The following USP3 variants were observed in gnomAD, a reference collection of about 807,000 sequenced individuals.
USP3 encodes the protein ubiquitin carboxyl-terminal hydrolase 3.
USP3 carries 20 observed loss-of-function variants against 72.3 expected under a neutral mutation model. The observed-to-expected ratio is 0.28, with a 90% CI of 0.19 to 0.40. The LOEUF (loss-of-function observed/expected upper bound fraction) is 0.40. Among genes scored for constraint, USP3 ranks in the 10% least tolerant of loss-of-function variants. The pLI is 1.00. For missense variants in USP3, 479 were observed against 633.9 expected (o/e 0.76, Z 2.62); for synonymous variants, 222 against 225.3 (o/e 0.99, Z 0.13).
intron 3 of USP3, among the ~76,000 whole-genome samples, chr15:63,539,606 A>G (rs1368412771): frequency 6.6e-6 from 1 of 152,204 alleles, no homozygotes; most frequent in Non-Finnish European, 1.5e-5. Context: ...CTGCTAAAGT[A>G]TATGTCGTTT....
chr15:63,584,092 G>GTTTTTTTTTTTTTTTTTTTT, intron 11 of USP3, among the ~76,000 whole-genome samples: 1 of 85,600 alleles, frequency 1.2e-5, no homozygotes, highest in Non-Finnish European at 2.2e-5. Flanking sequence ...CAACGGTTTT[G>GTTTTTTTTTTTTTTTTTTTT]TTTTTTTTTT....
intron 8 of USP3, among the ~76,000 whole-genome samples, chr15:63,563,859 G>A (rs949905411): frequency 6.6e-6 from 1 of 152,108 alleles, no homozygotes; most frequent in Non-Finnish European, 1.5e-5. Flanking sequence ...TATTTAAAAG[G>A]TAATTAACTT....
rs528833471 is a variant in USP3, at chr15:63,588,767, C to T, written c.1281C>T (p.Tyr427=). The change falls in exon 13 of 15, where the codon TAC becomes TAT. Residue 427 remains tyrosine (Y), a synonymous_variant. Coordinates refer to ENST00000380324, the MANE Select transcript of USP3 (RefSeq NM_006537.4). The surrounding 1 kb of genome is among the most constrained non-coding windows in gnomAD (Gnocchi z 4.6). ...ATTTAAGAAATAAAGTTGATACATACGTAGAATTTCCACTGAGAGGCCTAG... is the reference window on the plus strand; with the variant it reads ...ATTTAAGAAATAAAGTTGATACATATGTAGAATTTCCACTGAGAGGCCTAG... ...TAYLRNKVDT[Y]VEFPLRGLDM... is the part of the protein sequence containing the mutation. 59 of 1,614,102 alleles carry T rather than the reference C, an allele frequency of 3.7e-5. No homozygotes were observed. The highest frequency in any genetic ancestry group is 4.5e-5 in the East Asian group (2 of 44,886).
intron 5 of USP3, 47 bp downstream of exon 5, chr15:63,556,795 A>G (rs766891990): frequency 2.3e-6 from 3 of 1,301,744 alleles, no homozygotes; most frequent in South Asian, 1.3e-5. Flanking sequence ...TTGAGATTTA[A>G]TCACTGTTTT....
Position 63,534,907 on chromosome 15 carries a change from C to T in USP3, c.153-2118C>T, listed in dbSNP as rs534039190. On this transcript the variant is annotated intron_variant, in intron 2 of 14. Coordinates refer to ENST00000380324, the MANE Select transcript of USP3 (RefSeq NM_006537.4). ...ACCTATATGATACCTTAGAGTTTGCCTTTTATTTGTTTATTTATTTATTTA... is the reference window on the plus strand; with the variant it reads ...ACCTATATGATACCTTAGAGTTTGCTTTTTATTTGTTTATTTATTTATTTA... Among the ~76,000 whole-genome samples the T allele has an allele frequency of 6.6e-4, 82 of 123,648 alleles. 1 individual carries two copies. The highest frequency in any genetic ancestry group is 2.5e-3 in the African/African-American group (75 of 30,358). The allele number at this position is 123,648 out of a possible 152,430, so 81.1% of individuals were successfully genotyped here.
At chr15:63,532,836 C>T (rs1386066645) in intron 2 of USP3, 129 bp downstream of exon 2, 2 of 930,708 alleles carry the variant, frequency 2.1e-6, no homozygotes, top group Non-Finnish European at 3.3e-6. Flanking sequence ...CCCTGTAGGG[C>T]TTCCTTCTCC....
intron 11 of USP3, among the ~76,000 whole-genome samples, chr15:63,584,448 CTTTTGT>C (rs2067022198): frequency 6.6e-6 from 1 of 152,066 alleles, no homozygotes; most frequent in African/African-American, 2.4e-5. Context: ...TTATTTTCTG[CTTTTGT>C]TTTTGTCTTT....
rs1261846056 is a variant in USP3 at position 63,544,570 on chromosome 15, A to C, written c.284+7414A>C. ...AAAGTTAGAATTTTTTAAAGGAAGTAAACCTACATTAAATTTTAGGACAAG... is the reference window on the plus strand; with the variant it reads ...AAAGTTAGAATTTTTTAAAGGAAGTCAACCTACATTAAATTTTAGGACAAG... On this transcript the variant is annotated intron_variant, in intron 3 of 14. Coordinates refer to ENST00000380324, the MANE Select transcript of USP3 (RefSeq NM_006537.4). This position sits in a 1 kb window ranked among gnomAD's most constrained non-coding sequence, Gnocchi z 4.2. The C allele has an allele frequency of 1.6e-6, 1 of 608,702 alleles. No individual in the cohort carries two copies. Among genetic ancestry groups the C allele is most frequent in the Non-Finnish European group, 2.9e-6 (1 of 342,482 alleles). The allele number at this position is 608,702 out of a possible 1,614,324, so 37.7% of individuals were successfully genotyped here.
Position 63,511,266 on chromosome 15 carries a change from T to TAAAAAAAAAAAAAAAA in USP3, c.91+6437_91+6452dup, listed in dbSNP as rs61283920. Among the ~76,000 whole-genome samples the TAAAAAAAAAAAAAAAA allele has an allele frequency of 8.3e-3, 354 of 42,770 alleles. 46 individuals carry two copies. Among genetic ancestry groups the TAAAAAAAAAAAAAAAA allele is most frequent in the Non-Finnish European group, 0.013 (258 of 20,482 alleles). 28.1% of individuals were successfully genotyped at this position (42,770 alleles called of 152,430 possible). On this transcript the variant is annotated intron_variant, in intron 1 of 14. Coordinates refer to ENST00000380324, the MANE Select transcript of USP3 (RefSeq NM_006537.4). Reference sequence around the variant, plus strand: ...TTCAGACTTTTAGCTTGCTTTTTCTTAAAAAAAAAAAAAAAAGAGTCTTTA... The same window carrying TAAAAAAAAAAAAAAAA: ...TTCAGACTTTTAGCTTGCTTTTTCTTAAAAAAAAAAAAAAAAAAAAAAAAAAAAAAAAGAGTCTTTA...
In USP3 at chr15:63,584,547, G is replaced by A. The variant is rs113454504; in HGVS notation, c.1097-3758G>A. Reference sequence around the variant, plus strand: ...ATTTCCCTAGTAATTGTGATGTTGAGCATCTTTTTATGTGTCTGTTGGTCA... The same window carrying A: ...ATTTCCCTAGTAATTGTGATGTTGAACATCTTTTTATGTGTCTGTTGGTCA... On this transcript the variant is annotated intron_variant, in intron 11 of 14. Coordinates refer to ENST00000380324, the MANE Select transcript of USP3 (RefSeq NM_006537.4). Among the ~76,000 whole-genome samples, 830 of 152,262 alleles carry A rather than the reference G, an allele frequency of 5.5e-3. 9 individuals are homozygous for A. Among genetic ancestry groups the A allele is most frequent in the African/African-American group, 0.014 (600 of 41,546 alleles).
chr15:63,505,136 T>C (rs2152644254), intron 1 of USP3, among the ~76,000 whole-genome samples: 1 of 151,526 alleles, frequency 6.6e-6, no homozygotes, highest in Admixed American at 6.6e-5. Context: ...CGTGCGCCCT[T>C]GCCCCGCCCT....
rs1048034460 is a variant in USP3 at position 63,553,531 on chromosome 15, G to C, written c.285-184G>C. 2.3e-5 allele frequency: 10 copies of C among 442,506 alleles called. No homozygotes were observed. The highest frequency in any genetic ancestry group is 1.3e-4 in the Admixed American group (3 of 23,624). The allele number at this position is 442,506 out of a possible 1,614,324, so 27.4% of individuals were successfully genotyped here. A position where few individuals can be genotyped will look rare whatever the true frequency, so the allele number is the denominator to read the frequency against. On this transcript the variant is annotated intron_variant, in intron 3 of 14. Coordinates refer to ENST00000380324, the MANE Select transcript of USP3 (RefSeq NM_006537.4). The surrounding 1 kb of genome is among the most constrained non-coding windows in gnomAD (Gnocchi z 4.2). ...GAAGCTCATGTTCATTGCCTACGTG[G>C]CTTTTAAAAAAGACTCTTGAAAAAC...
intron 8 of USP3, among the ~76,000 whole-genome samples, chr15:63,566,578 G>A (rs567838619): frequency 1.3e-5 from 2 of 152,162 alleles, no homozygotes; most frequent in Non-Finnish European, 2.9e-5. Flanking sequence ...CTCCCAAAGT[G>A]CTGGGATTAC....
At chr15:63,589,327 C>T (rs182974812) in intron 14 of USP3, among the ~76,000 whole-genome samples, 6 of 152,312 alleles carry the variant, frequency 3.9e-5, no homozygotes, top group Non-Finnish European at 7.4e-5. Flanking sequence ...GGGGAAATTA[C>T]TTGGAATAAC....
At chr15:63,582,140 A>G (rs1257947308) in intron 11 of USP3, among the ~76,000 whole-genome samples, 1 of 152,084 alleles carries the variant, frequency 6.6e-6, no homozygotes, top group Non-Finnish European at 1.5e-5. Context: ...TGTGATTTAA[A>G]AGTTGATTTT....
At chr15:63,551,871 A>G (rs1009697506) in intron 3 of USP3, 3 of 152,240 alleles carry the variant, frequency 2.0e-5, no homozygotes, top group South Asian at 2.1e-4. Flanking sequence ...GCTGGACCCA[A>G]CTGGCCTGGA....
chr15:63,548,040 G>A (rs2066378035), intron 3 of USP3, among the ~76,000 whole-genome samples: 1 of 123,474 alleles, frequency 8.1e-6, no homozygotes, highest in South Asian at 2.4e-4. Context: ...GAGCCAGGGA[G>A]ACGGAGGTTG....
intron 1 of USP3, among the ~76,000 whole-genome samples, chr15:63,522,042 A>G (rs536205865): frequency 6.6e-6 from 1 of 152,224 alleles, no homozygotes; most frequent in South Asian, 2.1e-4. Context: ...TCCACGCTCA[A>G]GTTATTTTCC....
chr15:63,586,781 G>C (rs2067073547), intron 11 of USP3: 1 of 152,200 alleles, frequency 6.6e-6, no homozygotes, highest in Non-Finnish European at 1.5e-5. Flanking sequence ...GTATTTGTGG[G>C]AAATTGAGGA....
Sources: allele counts gnomAD v4.1 joint callset (sites outside exome capture counted in the v4.1 genomes callset), GRCh38; gene constraint gnomAD v4.1.1; non-coding constraint Gnocchi (gnomAD v3.1); transcripts MANE v1.5; gene names NCBI Gene and HGNC (gene_info 2026-07-23, HGNC 2026-07-21).